The following LRRC4C variants were observed in gnomAD, a reference collection of about 807,000 sequenced individuals.
The protein encoded by LRRC4C is leucine-rich repeat-containing protein 4C.
Under a neutral mutation model 33.6 loss-of-function variants are expected in LRRC4C, and 5 were observed. The ratio of observed to expected loss-of-function variants is 0.15; its 90% CI spans 0.08 to 0.31. The LOEUF (loss-of-function observed/expected upper bound fraction) is 0.31. Ranked by LOEUF, LRRC4C falls within the 10% of genes least tolerant of loss-of-function variation. The pLI is 1.00. For missense variants in LRRC4C, 560 were observed against 796.7 expected (o/e 0.70, Z 3.58); for synonymous variants, 329 against 302.0 (o/e 1.09, Z -0.93).
intron 3 of LRRC4C, among the ~76,000 whole-genome samples, chr11:40,432,900 C>T (rs1016865247): frequency 6.6e-6 from 1 of 152,052 alleles, no homozygotes; most frequent in African/African-American, 2.4e-5. Flanking sequence ...TAAATAGACC[C>T]AATGTTAGCA....
At chr11:40,583,076 G>A (rs1958549857) in intron 3 of LRRC4C, among the ~76,000 whole-genome samples, 1 of 152,068 alleles carries the variant, frequency 6.6e-6, no homozygotes, top group Non-Finnish European at 1.5e-5. Context: ...ACCTAACTCT[G>A]TATTTATACT....
chr11:40,722,647 T>C (rs1328617432), intron 2 of LRRC4C, among the ~76,000 whole-genome samples: 2 of 152,128 alleles, frequency 1.3e-5, no homozygotes, highest in East Asian at 3.9e-4. Context: ...AAACTCCAGC[T>C]CCTTCAGATG....
At chr11:41,452,155 T>TGGTCACAGGTTTTAATTCC (rs1956047758) in intron 1 of LRRC4C, among the ~76,000 whole-genome samples, 1 of 152,150 alleles carries the variant, frequency 6.6e-6, no homozygotes, top group Admixed American at 6.6e-5. Context: ...AAGGTATATA[T>TGGTCACAGGTTTTAATTCC]GGTCACAGGT....
intron 1 of LRRC4C, among the ~76,000 whole-genome samples, chr11:41,260,952 C>T (rs964976196): frequency 6.6e-5 from 10 of 152,050 alleles, no homozygotes; most frequent in Non-Finnish European, 1.2e-4. Flanking sequence ...TCTTCTTAGG[C>T]AGTATATTGG....
Position 40,115,053 on chromosome 11 carries a change from T to C in LRRC4C, c.1240A>G (p.Thr414Ala). 6.2e-7 allele frequency: 1 copy of C among 1,614,168 alleles called. No individual in the cohort carries two copies. Among genetic ancestry groups the C allele is most frequent in the Non-Finnish European group, 8.5e-7 (1 of 1,179,970 alleles). The change falls in exon 7 of 7, where the codon ACA (threonine) becomes GCA (alanine). Residue 414 changes from threonine to alanine, a missense_variant. By Grantham distance (58) the Thr-to-Ala change is moderately conservative. Transcript: ENST00000528697. This position sits in a 1 kb window ranked among gnomAD's most constrained non-coding sequence, Gnocchi z 6.7. ...CCTGTATCTTGCACAGTTACATTTG[T>C]GAAATTTAACGTACCATCACTGAGC... ...AVLSDGTLNF[T>A]NVTVQDTGMY... is the part of the protein sequence containing the mutation.
chr11:41,294,297 G>T (rs1353650365), intron 1 of LRRC4C, among the ~76,000 whole-genome samples: 1 of 152,180 alleles, frequency 6.6e-6, no homozygotes, highest in Non-Finnish European at 1.5e-5. Context: ...GAAAAATCCA[G>T]GTCACAGAGT....
At chr11:41,022,357 TTAATC>T (rs1419343912) in intron 1 of LRRC4C, among the ~76,000 whole-genome samples, 1 of 151,822 alleles carries the variant, frequency 6.6e-6, no homozygotes. Context: ...AACTGAACCT[TTAATC>T]TGAGGAAAAT....
intron 2 of LRRC4C, among the ~76,000 whole-genome samples, chr11:40,738,446 C>T (rs1231046011): frequency 6.6e-6 from 1 of 152,060 alleles, no homozygotes; most frequent in East Asian, 1.9e-4. Flanking sequence ...TCTAATGTCT[C>T]TCTAGAGGAC....
chr11:40,228,497 T>A (rs891942652), intron 5 of LRRC4C, among the ~76,000 whole-genome samples: 3 of 152,134 alleles, frequency 2.0e-5, no homozygotes, highest in Admixed American at 6.5e-5. Context: ...TAATAAACTT[T>A]CCATCTATTT....
intron 1 of LRRC4C, among the ~76,000 whole-genome samples, chr11:41,406,775 C>T (rs1256511044): frequency 6.7e-6 from 1 of 149,850 alleles, no homozygotes; most frequent in Non-Finnish European, 1.5e-5. Context: ...AAGAAAGTAA[C>T]TTAGGCACTT....
chr11:41,095,478 C>G (rs558117369), intron 1 of LRRC4C, among the ~76,000 whole-genome samples: 3 of 152,238 alleles, frequency 2.0e-5, no homozygotes, highest in South Asian at 4.1e-4. Context: ...TCTCTTTCAC[C>G]AGAACTCTTC....
At chr11:40,716,746 T>C (rs1474894576) in intron 2 of LRRC4C, among the ~76,000 whole-genome samples, 1 of 152,136 alleles carries the variant, frequency 6.6e-6, no homozygotes, top group East Asian at 1.9e-4. Flanking sequence ...TTCTGCAAAT[T>C]TGTCAAACCC....
At chr11:40,520,984 A>G (rs1955786321) in intron 3 of LRRC4C, among the ~76,000 whole-genome samples, 1 of 152,180 alleles carries the variant, frequency 6.6e-6, no homozygotes, top group Admixed American at 6.5e-5. Flanking sequence ...TTAAAAACAA[A>G]AGAACTCAAG....
At chr11:40,858,547 T>G (rs1953914742) in intron 2 of LRRC4C, among the ~76,000 whole-genome samples, 1 of 151,636 alleles carries the variant, frequency 6.6e-6, no homozygotes, top group South Asian at 2.1e-4. Flanking sequence ...ATACAAACAT[T>G]AGCTGGGCAT....
At chr11:40,830,928 G>A (rs1952384392) in intron 2 of LRRC4C, among the ~76,000 whole-genome samples, 1 of 152,144 alleles carries the variant, frequency 6.6e-6, no homozygotes, top group African/African-American at 2.4e-5. Flanking sequence ...CTGTTGAAAT[G>A]AATTACAATG....
chr11:41,382,855 G>T (rs1953208008), intron 1 of LRRC4C, among the ~76,000 whole-genome samples: 1 of 152,074 alleles, frequency 6.6e-6, no homozygotes, highest in South Asian at 2.1e-4. Flanking sequence ...CTTCAAAACA[G>T]GGAAGGACAA....
At chr11:41,294,087 G>T (rs1046960463) in intron 1 of LRRC4C, among the ~76,000 whole-genome samples, 2 of 151,984 alleles carry the variant, frequency 1.3e-5, no homozygotes, top group African/African-American at 4.8e-5. Context: ...ATAAACCTTC[G>T]AAGTGGTGTG....
intron 1 of LRRC4C, among the ~76,000 whole-genome samples, chr11:41,290,166 G>T (rs1949950266): frequency 6.6e-6 from 1 of 152,158 alleles, no homozygotes; most frequent in African/African-American, 2.4e-5. Context: ...GTAAATAAGA[G>T]TGAAAGATTT....
intron 3 of LRRC4C, among the ~76,000 whole-genome samples, chr11:40,384,826 T>C (rs927058007): frequency 1.2e-4 from 19 of 152,170 alleles, no homozygotes; most frequent in Admixed American, 1.2e-3. Flanking sequence ...AACAATATGA[T>C]TCTTTGGGTA....
Sources: gnomAD v4.1 joint callset for allele counts (sites outside exome capture counted in the v4.1 genomes callset) on GRCh38, gnomAD v4.1.1 for gene constraint, Gnocchi (gnomAD v3.1) non-coding constraint, MANE v1.5 for transcripts, NCBI Gene and HGNC (gene_info 2026-07-23, HGNC 2026-07-21) for gene names.